Variants in FXR2 observed in about 807,000 individuals in gnomAD.
FXR2 encodes the protein FMR1 autosomal homolog 2.
A neutral mutation model predicts 87.3 loss-of-function variants in FXR2; 9 were observed. The ratio of observed to expected loss-of-function variants is 0.10; its 90% CI spans 0.06 to 0.18. The LOEUF (loss-of-function observed/expected upper bound fraction) is 0.18. FXR2 is among the 10% of genes least tolerant of loss of function. FXR2 has a pLI of 1.00. For synonymous variants in FXR2, 331 were observed against 328.3 expected (o/e 1.01, Z -0.09); for missense variants, 661 against 893.6 (o/e 0.74, Z 3.32).
In FXR2 at chr17:7,592,457, A is replaced by G. The variant is rs2071671020; in HGVS notation, c.1825+47T>C. 2 of 1,579,970 alleles carry G rather than the reference A, an allele frequency of 1.3e-6. No homozygotes were observed. Among genetic ancestry groups the G allele is most frequent in the Admixed American group, 1.7e-5 (1 of 59,932 alleles). The stretch of plus-strand genomic sequence containing the variant: ...TGATTTTCACAGGGGTGAGCATCCC[A>G]TTCTCTCAGCTCTGAGGAAGGATTC... On this transcript the variant is annotated intron_variant, in intron 15 of 16. Coordinates refer to ENST00000250113, the MANE Select transcript of FXR2 (RefSeq NM_004860.4). The surrounding 1 kb of genome is among the most constrained non-coding windows in gnomAD (Gnocchi z 4.8).
rs1000153992 is a variant in FXR2 at position 7,594,140 on chromosome 17, C to T, written c.1020+98G>A. 5.3e-5 allele frequency: 48 copies of T among 900,232 alleles called. No homozygotes were observed. The highest frequency in any genetic ancestry group is 8.2e-5 in the African/African-American group (5 of 60,788). 55.8% of individuals were successfully genotyped at this position (900,232 alleles called of 1,614,324 possible). A position where few individuals can be genotyped will look rare whatever the true frequency, so the allele number is the denominator to read the frequency against. On this transcript the variant is annotated intron_variant, in intron 10 of 16. Transcript: ENST00000250113. This position sits in a 1 kb window ranked among gnomAD's most constrained non-coding sequence, Gnocchi z 5.1. ...AATCTACTAGTGTTAAACAACTTTC[C>T]GTACTCCACCCTCTCAAAGAACAAT...
In FXR2 at chr17:7,592,087, G is replaced by A. The variant is rs932947226; in HGVS notation, c.1927-162C>T. ...CTCTCTTACTTGGGATCCAGAAAATGTGAACCACACTTTCTTCTCTATCCT... is the reference window on the plus strand; with the variant it reads ...CTCTCTTACTTGGGATCCAGAAAATATGAACCACACTTTCTTCTCTATCCT... On this transcript the variant is annotated intron_variant, in intron 16 of 16. Transcript: ENST00000250113. This position sits in a 1 kb window ranked among gnomAD's most constrained non-coding sequence, Gnocchi z 4.8. 6.9e-7 allele frequency: 1 copy of A among 1,453,524 alleles called. No individual in the cohort carries two copies. The highest frequency in any genetic ancestry group is 1.5e-5 in the South Asian group (1 of 68,854). The allele number at this position is 1,453,524 out of a possible 1,614,324, so 90.0% of individuals were successfully genotyped here.
rs2071838011 is a variant in FXR2 at position 7,609,933 on chromosome 17, T to TATGTATAC, written c.82-3785_82-3784insGTATACAT. On this transcript the variant is annotated intron_variant, in intron 1 of 16. Transcript: ENST00000250113. ...ATATGTATATATACATGTATATGTA[T>TATGTATAC]ATATATACATGTATATGTATACATA... Among the ~76,000 whole-genome samples, 4 of 103,956 alleles carry TATGTATAC rather than the reference T, an allele frequency of 3.8e-5. No individual in the cohort carries two copies. In the South Asian group the frequency reaches 1.2e-3, roughly 32 times the overall value. The allele number at this position is 103,956 out of a possible 152,430, so 68.2% of individuals were successfully genotyped here. A position where few individuals can be genotyped will look rare whatever the true frequency, so the allele number is the denominator to read the frequency against.
intron 1 of FXR2, 25 bp from the exon 2 acceptor site, chr17:7,606,174 A>T: frequency 7.1e-7 from 1 of 1,412,094 alleles, no homozygotes; most frequent in Non-Finnish European, 9.7e-7. Flanking sequence ...AGAAAAAAGC[A>T]AAAAAAATAA....
chr17:7,591,602 GGAGA>G lies in FXR2; in HGVS notation c.*224_*227del, dbSNP rs1450404691. 5 of 554,088 alleles carry G rather than the reference GGAGA, an allele frequency of 9.0e-6. No individual in the cohort carries two copies. Among genetic ancestry groups the G allele is most frequent in the Non-Finnish European group, 1.6e-5 (5 of 307,248 alleles). 34.3% of individuals were successfully genotyped at this position (554,088 alleles called of 1,614,324 possible). A position where few individuals can be genotyped will look rare whatever the true frequency, so the allele number is the denominator to read the frequency against. ...AAGGCACATCCAGTCTGATGGGGAA[GGAGA>G]GAGGCTCCCCTTACCCTGGGGGTAG... is the stretch of plus-strand genomic sequence containing the variant. On this transcript the variant is annotated 3_prime_UTR_variant, in exon 17 of 17. Coordinates refer to ENST00000250113, the MANE Select transcript of FXR2 (RefSeq NM_004860.4). This position sits in a 1 kb window ranked among gnomAD's most constrained non-coding sequence, Gnocchi z 4.0.
intron 1 of FXR2, among the ~76,000 whole-genome samples, chr17:7,613,014 AAAAAAAAAT>A (rs1214990223): frequency 2.6e-5 from 4 of 151,336 alleles, no homozygotes; most frequent in African/African-American, 9.7e-5. Flanking sequence ...AAAAAAAAAA[AAAAAAAAAT>A]GACTACAATG....
At chr17:7,601,720 A>T (rs981404124) in intron 6 of FXR2, among the ~76,000 whole-genome samples, 195 bp from the exon 7 acceptor site, 2 of 152,126 alleles carry the variant, frequency 1.3e-5, no homozygotes, top group African/African-American at 4.8e-5. Flanking sequence ...CGAGGTCATG[A>T]GATCGAGACC....
Position 7,594,163 on chromosome 17 carries a change from A to G in FXR2, c.1020+75T>C. 1 of 970,602 alleles carries G rather than the reference A, an allele frequency of 1.0e-6. No individual in the cohort carries two copies. Among genetic ancestry groups the G allele is most frequent in the South Asian group, 1.3e-5 (1 of 74,714 alleles). The allele number at this position is 970,602 out of a possible 1,614,324, so 60.1% of individuals were successfully genotyped here. A position where few individuals can be genotyped will look rare whatever the true frequency, so the allele number is the denominator to read the frequency against. ...TCCGTACTCCACCCTCTCAAAGAACAATCCCAGCCCTCAGAGGACAATCCC... is the reference window on the plus strand; with the variant it reads ...TCCGTACTCCACCCTCTCAAAGAACGATCCCAGCCCTCAGAGGACAATCCC... On this transcript the variant is annotated intron_variant, in intron 10 of 16. Transcript: ENST00000250113. The surrounding 1 kb of genome is among the most constrained non-coding windows in gnomAD (Gnocchi z 5.1).
chr17:7,596,054 G>T, intron 7 of FXR2, 60 bp from the exon 8 acceptor site: 3 of 1,306,028 alleles, frequency 2.3e-6, no homozygotes, highest in South Asian at 2.5e-5. Context: ...CCAGGCACAC[G>T]ACCCTTTGCA....
rs369134614 is a variant in FXR2 at position 7,594,777 on chromosome 17, G to A, written c.832-20C>T. On this transcript the variant is annotated intron_variant, in intron 8 of 16. Transcript: ENST00000250113. This position sits in a 1 kb window ranked among gnomAD's most constrained non-coding sequence, Gnocchi z 5.1. Reference sequence around the variant, plus strand: ...GGGAGTCTAAAGGAAGAACAGCAGGGAGTTGTTACTAAAACAGAAGACCAG... The same window carrying A: ...GGGAGTCTAAAGGAAGAACAGCAGGAAGTTGTTACTAAAACAGAAGACCAG... 1.5e-5 allele frequency: 22 copies of A among 1,516,002 alleles called. No individual in the cohort carries two copies. The African/African-American group carries it at 3.0e-4, about 21-fold the overall frequency. The allele number at this position is 1,516,002 out of a possible 1,614,324, so 93.9% of individuals were successfully genotyped here. A position where few individuals can be genotyped will look rare whatever the true frequency, so the allele number is the denominator to read the frequency against.
intron 1 of FXR2, among the ~76,000 whole-genome samples, chr17:7,609,930 G>GTATA (rs1162446541): frequency 2.4e-4 from 19 of 78,972 alleles, no homozygotes; most frequent in Admixed American, 9.1e-4. Flanking sequence ...ACATGTATAT[G>GTATA]TATATATATA....
At chr17:7,610,609 A>G (rs557175983) in intron 1 of FXR2, among the ~76,000 whole-genome samples, 1 of 152,228 alleles carries the variant, frequency 6.6e-6, no homozygotes, top group Non-Finnish European at 1.5e-5. Flanking sequence ...TCTGTCCCCA[A>G]CTTCATATTC....
chr17:7,604,404 A>G (rs1327176179), intron 3 of FXR2, among the ~76,000 whole-genome samples: 12 of 151,906 alleles, frequency 7.9e-5, no homozygotes, highest in Non-Finnish European at 1.2e-4. Flanking sequence ...ACTTCCACGA[A>G]AAAAAAAGAG....
In FXR2 at chr17:7,594,084, A is replaced by T. The variant is rs2071689136; in HGVS notation, c.1021-80T>A. The T allele has an allele frequency of 9.8e-7, 1 of 1,020,328 alleles. No homozygotes were observed. The highest frequency in any genetic ancestry group is 1.6e-5 in the African/African-American group (1 of 63,552). 63.2% of individuals were successfully genotyped at this position (1,020,328 alleles called of 1,614,324 possible). On this transcript the variant is annotated intron_variant, in intron 10 of 16. Transcript: ENST00000250113. This position sits in a 1 kb window ranked among gnomAD's most constrained non-coding sequence, Gnocchi z 5.1. ...TTAACGCCGCCCAGTCTCCTAGGGG[A>T]GCCTGCCCAGTGGGATCATTCTGGG...
chr17:7,611,285 A>AT (rs2071862346), intron 1 of FXR2, among the ~76,000 whole-genome samples: 1 of 152,064 alleles, frequency 6.6e-6, no homozygotes, highest in African/African-American at 2.4e-5. Context: ...GAAAAAAAAA[A>AT]GGACGGAAAA....
In FXR2 at chr17:7,593,955, G is replaced by C; in HGVS notation, c.1070C>G (p.Ala357Gly). The C allele has an allele frequency of 6.2e-7, 1 of 1,611,728 alleles. No homozygotes were observed. Among genetic ancestry groups the C allele is most frequent in the Non-Finnish European group, 8.5e-7 (1 of 1,177,872 alleles). The change falls in exon 11 of 17, where the codon GCC becomes GGC. Residue 357 changes from alanine (A) to glycine (G), a missense_variant. Ala to Gly is a moderately conservative substitution (Grantham distance 60, BLOSUM62 0). Around this residue, in one of 3 missense-constraint regions of FXR2, gnomAD observed 82 missense variants for 214.4 expected, o/e 0.38. Transcript: ENST00000250113. The surrounding 1 kb of genome is among the most constrained non-coding windows in gnomAD (Gnocchi z 6.1). ...GAGGTGATACTCCAGCAAAGCCTGG[G>C]CATTGCTGATGTTCTCTCGGGTGCC... ...FVGTRENISNAQALLEYHLSY... is the reference protein window; with the variant it reads ...FVGTRENISNGQALLEYHLSY...
At chr17:7,599,375 C>T (rs2071734559) in intron 7 of FXR2, among the ~76,000 whole-genome samples, 1 of 152,106 alleles carries the variant, frequency 6.6e-6, no homozygotes, top group African/African-American at 2.4e-5. Flanking sequence ...CCTGCCAGTG[C>T]CCTGAGCAGG....
chr17:7,608,196 T>C (rs1182649545), intron 1 of FXR2, among the ~76,000 whole-genome samples: 1 of 151,802 alleles, frequency 6.6e-6, no homozygotes, highest in Non-Finnish European at 1.5e-5. Context: ...ACTCAAGCAA[T>C]GCACCCGCCT....
intron 7 of FXR2, among the ~76,000 whole-genome samples, chr17:7,598,267 G>A (rs1336772011): frequency 6.6e-6 from 1 of 151,774 alleles, no homozygotes; most frequent in African/African-American, 2.4e-5. Context: ...TGGCTAACAC[G>A]GTGAAACCCC....
Sources: gnomAD v4.1 joint callset for allele counts (sites outside exome capture counted in the v4.1 genomes callset) on GRCh38, gnomAD v4.1.1 for gene constraint, gnomAD v4.1.1 regional missense constraint, Gnocchi (gnomAD v3.1) non-coding constraint, MANE v1.5 for transcripts, NCBI Gene and HGNC (gene_info 2026-07-23, HGNC 2026-07-21) for gene names.